The following TBCD variants were observed in gnomAD, a reference collection of about 807,000 sequenced individuals.
TBCD encodes the protein tubulin-specific chaperone D.
In TBCD, 105 loss-of-function variants were observed where a neutral mutation model predicts 169.3. That is an observed-to-expected ratio of 0.62 (90% CI 0.53 to 0.73). The LOEUF (loss-of-function observed/expected upper bound fraction) is 0.73, where lower values mean the gene tolerates loss of function less well. Ranked by LOEUF, TBCD falls within the 30% of genes least tolerant of loss-of-function variation. The probability of loss-of-function intolerance (pLI) is 0.00; values close to 1 mark genes in which losing one functional copy is unlikely to be tolerated. For missense variants in TBCD, 1,444 were observed against 1,600.1 expected (o/e 0.90, Z 1.66); for synonymous variants, 700 against 643.9 (o/e 1.09, Z -1.32).
chr17:82,930,581 G>A lies in TBCD; in HGVS notation c.3051G>A (p.Gln1017=), dbSNP rs367566640. ...EYMKGIQSDP[Q]ALGSFSGTLL... is the part of the protein sequence containing the mutation. ...TGAAGGGCATTCAGAGCGACCCGCA[G>A]GCCCTGGGCAGCTTCAGCGGGACCC... Residue 1017 remains glutamine, a synonymous_variant, in exon 33 of 39, where the codon CAG becomes CAA. Transcript: ENST00000355528. This position sits in a 1 kb window ranked among gnomAD's most constrained non-coding sequence, Gnocchi z 5.2. 7.2e-5 allele frequency: 117 copies of A among 1,613,820 alleles called. No homozygotes were observed. Among genetic ancestry groups the A allele is most frequent in the Non-Finnish European group, 9.7e-5 (114 of 1,179,878 alleles).
chr17:82,853,066 C>T (rs79527020), intron 13 of TBCD, among the ~76,000 whole-genome samples: 3,376 of 152,244 alleles, frequency 0.022, 145 homozygotes, highest in African/African-American at 0.077. Flanking sequence ...AGCTTTCTCT[C>T]TCTCTTTTTT....
chr17:82,836,342 G>GT (rs1446485546), intron 13 of TBCD, among the ~76,000 whole-genome samples: 1 of 152,246 alleles, frequency 6.6e-6, no homozygotes, highest in African/African-American at 2.4e-5. Context: ...TATAGGATGT[G>GT]TTACGGCAGG....
At chr17:82,803,838 C>T (rs899015163) in intron 9 of TBCD, among the ~76,000 whole-genome samples, 8 of 139,244 alleles carry the variant, frequency 5.7e-5, no homozygotes, top group Non-Finnish European at 7.7e-5. Context: ...AGGAGAATGG[C>T]GGCTGGGGTG....
At chr17:82,809,094 C>A (rs2051235653) in intron 11 of TBCD, among the ~76,000 whole-genome samples, 1 of 152,052 alleles carries the variant, frequency 6.6e-6, no homozygotes, top group Non-Finnish European at 1.5e-5. Flanking sequence ...CTCACATAGG[C>A]CTTTGTGTTG....
rs1290954371 is a variant in TBCD, at chr17:82,923,836, A to T, written c.2260+103A>T. 1.1e-6 allele frequency: 1 copy of T among 906,626 alleles called. No individual in the cohort carries two copies. Among genetic ancestry groups the T allele is most frequent in the Admixed American group, 2.8e-5 (1 of 36,298 alleles). The allele number at this position is 906,626 out of a possible 1,614,324, so 56.2% of individuals were successfully genotyped here. On this transcript the variant is annotated intron_variant, in intron 26 of 38. Transcript: ENST00000355528. The surrounding 1 kb of genome is among the most constrained non-coding windows in gnomAD (Gnocchi z 4.6). The stretch of plus-strand genomic sequence containing the variant: ...AGGCCTCGGTTGTGCAGTGGAGCAG[A>T]GCCACCACGATCATGGCTGGAGTGG...
Position 82,832,802 on chromosome 17 carries a change from C to T in TBCD, c.1318+17868C>T, listed in dbSNP as rs1391213119. ...TGCCGGTCACAGAAGCAGCCCTGCC[C>T]TACCCTTGGTAACCTGGCTGCTGAC... On this transcript the variant is annotated intron_variant, in intron 13 of 38. Coordinates refer to ENST00000355528, the MANE Select transcript of TBCD (RefSeq NM_005993.5). The surrounding 1 kb of genome is among the most constrained non-coding windows in gnomAD (Gnocchi z 4.9). Among the ~76,000 whole-genome samples, 1 of 152,348 alleles carries T rather than the reference C, an allele frequency of 6.6e-6. No individual in the cohort carries two copies. The highest frequency in any genetic ancestry group is 2.4e-5 in the African/African-American group (1 of 41,588).
At chr17:82,797,962 C>CTTTTTTTTTTTTTTTTTTTTTTT (rs60671571) in intron 8 of TBCD, among the ~76,000 whole-genome samples, 160 bp downstream of exon 8, 1 of 49,016 alleles carries the variant, frequency 2.0e-5, no homozygotes, top group Non-Finnish European at 3.7e-5. Context: ...AGTAACTGAA[C>CTTTTTTTTTTTTTTTTTTTTTTT]TTTTTTTTTT....
At chr17:82,828,504 ACC>A (rs368420925) in intron 13 of TBCD, among the ~76,000 whole-genome samples, 1 of 112,178 alleles carries the variant, frequency 8.9e-6, no homozygotes, top group Non-Finnish European at 1.8e-5. Context: ...AATCGAATGC[ACC>A]CCCCCCGCAG....
intron 9 of TBCD, among the ~76,000 whole-genome samples, chr17:82,804,959 A>T (rs1357842497): frequency 6.6e-6 from 1 of 152,208 alleles, no homozygotes; most frequent in Non-Finnish European, 1.5e-5. Context: ...CTGCCGCCAA[A>T]GCCTAAGCTG....
At chr17:82,817,609 T>C (rs2052034307) in intron 13 of TBCD, among the ~76,000 whole-genome samples, 1 of 152,172 alleles carries the variant, frequency 6.6e-6, no homozygotes, top group Admixed American at 6.5e-5. Context: ...CATGCCTGGC[T>C]AATTAAAAAA....
At chr17:82,836,732 A>G (rs895940016) in intron 13 of TBCD, among the ~76,000 whole-genome samples, 2 of 151,194 alleles carry the variant, frequency 1.3e-5, no homozygotes, top group African/African-American at 4.9e-5. Context: ...CAAAAAAACA[A>G]AAAAACCCAC....
chr17:82,753,288 C>G (rs930955741), intron 1 of TBCD, among the ~76,000 whole-genome samples: 2 of 152,006 alleles, frequency 1.3e-5, no homozygotes, highest in Non-Finnish European at 2.9e-5. Flanking sequence ...CTGGCCCTGT[C>G]GCTTGGACCT....
At chr17:82,809,302 A>G (rs590313) in intron 11 of TBCD, among the ~76,000 whole-genome samples, 71,951 of 151,968 alleles carry the variant, frequency 0.47, 17,917 homozygotes, top group African/African-American at 0.63. Flanking sequence ...CCGTGAGCCC[A>G]TCACCTGGCC....
At chr17:82,830,433 G>A in intron 13 of TBCD, 5 of 1,611,786 alleles carry the variant, frequency 3.1e-6, no homozygotes, top group Non-Finnish European at 2.5e-6. Context: ...TCTGCTCCTC[G>A]CTGCTGTCCA....
intron 13 of TBCD, chr17:82,858,691 T>C (rs1467821376): frequency 1.0e-6 from 1 of 977,410 alleles, no homozygotes; most frequent in African/African-American, 1.8e-5. Flanking sequence ...GTTTTCCTTG[T>C]ACTTACCTTC....
At chr17:82,838,848 C>T in intron 13 of TBCD, 1 of 985,450 alleles carries the variant, frequency 1.0e-6, no homozygotes, top group African/African-American at 1.7e-5. Context: ...TAAACAAACG[C>T]TCACCACTTT....
chr17:82,912,539 A>C (rs1256751307), intron 23 of TBCD, among the ~76,000 whole-genome samples: 1 of 152,224 alleles, frequency 6.6e-6, no homozygotes, highest in Non-Finnish European at 1.5e-5. Context: ...TGGACAGCCC[A>C]TCCCACGCCA....
intron 14 of TBCD, among the ~76,000 whole-genome samples, chr17:82,871,437 T>C (rs1201174343): frequency 6.6e-6 from 1 of 152,188 alleles, no homozygotes; most frequent in African/African-American, 2.4e-5. Context: ...AGCCCACGGC[T>C]GAATCATCAC....
At chr17:82,849,478 C>T (rs187912241) in intron 13 of TBCD, among the ~76,000 whole-genome samples, 25 of 152,326 alleles carry the variant, frequency 1.6e-4, no homozygotes, top group Admixed American at 3.9e-4. Context: ...CTTGTTTCCT[C>T]GCTGTGGTTT....
Sources: allele counts gnomAD v4.1 joint callset (sites outside exome capture counted in the v4.1 genomes callset), GRCh38; gene constraint gnomAD v4.1.1; non-coding constraint Gnocchi (gnomAD v3.1); transcripts MANE v1.5; gene names NCBI Gene and HGNC (gene_info 2026-07-23, HGNC 2026-07-21).